Variants in ZNF773 observed in about 807,000 individuals in gnomAD.
ZNF773 encodes zinc finger protein 419B.
ZNF773 carries 11 observed loss-of-function variants against 12.8 expected under a neutral mutation model. The observed-to-expected ratio is 0.86, with a 90% CI of 0.54 to 1.42. The LOEUF (loss-of-function observed/expected upper bound fraction) is 1.42, where lower values mean the gene tolerates loss of function less well. ZNF773 is among the 40% of genes most tolerant of loss of function. The pLI is 0.00. For synonymous variants in ZNF773, 175 were observed against 178.4 expected (o/e 0.98, Z 0.15); for missense variants, 518 against 527.2 (o/e 0.98, Z 0.17).
rs769992228 is a variant in ZNF773, at chr19:57,507,377, T to C, written c.1282T>C (p.Ser428Pro). 1.2e-6 allele frequency: 2 copies of C among 1,611,078 alleles called. No individual in the cohort carries two copies. Among genetic ancestry groups the C allele is most frequent in the South Asian group, 2.2e-5 (2 of 90,354 alleles). ...RECGKFFRHSSSLVKHRRIHT... is the reference protein window; with the variant it reads ...RECGKFFRHSPSLVKHRRIHT... ...ATGTGGGAAATTTTTTCGCCACAGC[T>C]CCAGTCTTGTTAAACATCGAAGGAT... Residue 428 changes from serine to proline, a missense_variant, in exon 4 of 4, where the codon TCC becomes CCC. Coordinates refer to ENST00000282292, the MANE Select transcript of ZNF773 (RefSeq NM_198542.3).
downstream of ZNF773, among the ~76,000 whole-genome samples, chr19:57,509,336 A>G (rs1169970568): frequency 1.3e-5 from 2 of 152,230 alleles, no homozygotes; most frequent in Admixed American, 1.3e-4. Context: ...AAAGAATTTG[A>G]TGTATATAGA....
At chr19:57,505,196 C>A (rs1041337236) in intron 2 of ZNF773, 106 bp from the exon 3 acceptor site, 2 of 1,428,200 alleles carry the variant, frequency 1.4e-6, no homozygotes, top group East Asian at 2.3e-5. Context: ...TCCTGCAAGA[C>A]CCTCCTCCAA....
chr19:57,510,661 C>T (rs2089787466), downstream of ZNF773, among the ~76,000 whole-genome samples: 1 of 151,798 alleles, frequency 6.6e-6, no homozygotes, highest in Admixed American at 6.6e-5. Context: ...ATAAAAAGGC[C>T]AGTGTATACA....
downstream of ZNF773, chr19:57,512,941 C>T (rs1214227582): frequency 7.0e-7 from 1 of 1,428,660 alleles, no homozygotes; most frequent in East Asian, 3.0e-5. Flanking sequence ...CCCTTGTTCC[C>T]TAGAAGCAAG....
chr19:57,514,390 A>G (rs2089819006), downstream of ZNF773: 1 of 152,174 alleles, frequency 6.6e-6, no homozygotes, highest in South Asian at 2.1e-4. Flanking sequence ...TATTAACTCA[A>G]ACACCTTTAT....
At chr19:57,516,842 T>C (rs1441614738), downstream of ZNF773, 1 of 152,198 alleles carries the variant, frequency 6.6e-6, no homozygotes, top group African/African-American at 2.4e-5. Context: ...GTCATTTAGA[T>C]GGGAGAAGTG....
chr19:57,500,224 C>T (rs930069219), intron 1 of ZNF773, 111 bp downstream of exon 1: 3 of 1,396,440 alleles, frequency 2.1e-6, no homozygotes, highest in Non-Finnish European at 2.8e-6. Flanking sequence ...CGTCCCGTTT[C>T]TGACACGCAG....
chr19:57,503,939 T>C (rs912394420), intron 1 of ZNF773, among the ~76,000 whole-genome samples: 3 of 152,204 alleles, frequency 2.0e-5, no homozygotes, highest in African/African-American at 7.2e-5. Context: ...ATTACAGGCA[T>C]GAGCCACCAT....
At chr19:57,509,717 G>A (rs4801495), downstream of ZNF773, among the ~76,000 whole-genome samples, 31,485 of 152,146 alleles carry the variant, frequency 0.21, 3,390 homozygotes, top group African/African-American at 0.25. Context: ...GCATGATTGT[G>A]TTCCTTTCTA....
chr19:57,502,387 G>A (rs1241064092), intron 1 of ZNF773, among the ~76,000 whole-genome samples: 1 of 152,210 alleles, frequency 6.6e-6, no homozygotes, highest in East Asian at 1.9e-4. Context: ...ATTATGACTG[G>A]GGGAAGCATC....
At chr19:57,502,380 AT>A (rs1317332890) in intron 1 of ZNF773, among the ~76,000 whole-genome samples, 4 of 152,346 alleles carry the variant, frequency 2.6e-5, no homozygotes, top group Non-Finnish European at 4.4e-5. Context: ...GATCTCCATT[AT>A]GACTGGGGGA....
intron 1 of ZNF773, among the ~76,000 whole-genome samples, chr19:57,503,516 C>T (rs113098166): frequency 1.3e-5 from 2 of 152,286 alleles, no homozygotes; most frequent in Non-Finnish European, 2.9e-5. Context: ...AAGGCAGGCA[C>T]TGCTGCTTAT....
chr19:57,506,969 C>T lies in ZNF773; in HGVS notation c.874C>T (p.Gln292Ter). 4 of 1,613,810 alleles carry T rather than the reference C, an allele frequency of 2.5e-6. No homozygotes were observed. The highest frequency in any genetic ancestry group is 3.4e-6 in the Non-Finnish European group (4 of 1,179,960). Residue 292 changes from glutamine to a stop codon, truncating the protein, a stop_gained, in exon 4 of 4, where the codon CAG becomes TAG. Transcript: ENST00000282292. LOFTEE classifies it low-confidence loss of function (END_TRUNC). ...KAFRHNSTLV[Q>*]HHRIHTGVRP... ...TTTCAGGCATAATTCCACACTTGTT[C>T]AGCATCACAGAATCCACACTGGAGT...
At chr19:57,517,610 A>G (rs552405193), downstream of ZNF773, 8 of 152,300 alleles carry the variant, frequency 5.3e-5, no homozygotes, top group Admixed American at 3.9e-4. Context: ...GTTAAAGACT[A>G]CTGTTCTGTG....
chr19:57,505,351 G>A lies in ZNF773; in HGVS notation c.213G>A (p.Glu71=), dbSNP rs757096345. ...AAATAACCCAGCTGGAGTCATGGGA[G>A]GAGCCCTTCATGCCTGCTTGGGAAG... The part of the protein sequence containing the change: ...THEITQLESW[E]EPFMPAWEVV... Residue 71 remains glutamate (E), a synonymous_variant, in exon 3 of 4, where the codon GAG becomes GAA. Coordinates refer to ENST00000282292, the MANE Select transcript of ZNF773 (RefSeq NM_198542.3). 1 of 1,614,126 alleles carries A rather than the reference G, an allele frequency of 6.2e-7. No homozygotes were observed. Among genetic ancestry groups the A allele is most frequent in the South Asian group, 1.1e-5 (1 of 91,084 alleles).
downstream of ZNF773, chr19:57,515,005 A>G (rs906910486): frequency 6.6e-6 from 1 of 152,224 alleles, no homozygotes; most frequent in Non-Finnish European, 1.5e-5. Flanking sequence ...AGACCTCTGG[A>G]GTTTCAGCTC....
At chr19:57,505,457 C>T (rs558581293) in intron 3 of ZNF773, 57 bp downstream of exon 3, 2 of 1,587,306 alleles carry the variant, frequency 1.3e-6, no homozygotes, top group East Asian at 2.2e-5. Context: ...TTGTATCATA[C>T]CAGGAGTCTT....
At position 57,507,234 on chromosome 19, in the gene ZNF773, T is replaced by G. The variant is rs1487815539; in HGVS notation, c.1139T>G (p.Val380Gly). 6.2e-7 allele frequency: 1 copy of G among 1,610,828 alleles called. No individual in the cohort carries two copies. Among genetic ancestry groups the G allele is most frequent in the Non-Finnish European group, 8.5e-7 (1 of 1,177,806 alleles). Residue 380 changes from valine (V) to glycine (G), a missense_variant, in exon 4 of 4, where the codon GTT (valine) becomes GGT (glycine). By Grantham distance (109) the Val-to-Gly change is moderately radical. Transcript: ENST00000282292. Reference protein sequence around the residue: ...QSSSLMQHRKVHTGEKPFKCN... With the variant: ...QSSSLMQHRKGHTGEKPFKCN... ...TCAAGCCTCATGCAACATCGAAAAG[T>G]TCACACTGGAGAAAAACCTTTTAAG...
chr19:57,515,829 G>A (rs1478856338), downstream of ZNF773: 1 of 152,168 alleles, frequency 6.6e-6, no homozygotes, highest in African/African-American at 2.4e-5. Context: ...TGGGGACTAG[G>A]AGACCAGCTA....
Sources: gnomAD v4.1 joint callset for allele counts (sites outside exome capture counted in the v4.1 genomes callset) on GRCh38, gnomAD v4.1.1 for gene constraint, MANE v1.5 for transcripts, NCBI Gene and HGNC (gene_info 2026-07-23, HGNC 2026-07-21) for gene names.